Variants in GTF3C4 observed in about 807,000 individuals in gnomAD.
The protein encoded by GTF3C4 is general transcription factor IIIC subunit 4, also known as general transcription factor 3C polypeptide 4.
GTF3C4 carries 28 observed loss-of-function variants against 67.5 expected under a neutral mutation model. The observed-to-expected ratio is 0.41, with a 90% CI of 0.31 to 0.57. The LOEUF is 0.57. Ranked by LOEUF, GTF3C4 falls within the 20% of genes least tolerant of loss-of-function variation. GTF3C4 has a pLI of 0.21. For missense variants in GTF3C4, 831 were observed against 1,033.2 expected, an observed-to-expected ratio of 0.80 and a Z score of 2.68; for synonymous variants, 409 against 393.0, an observed-to-expected ratio of 1.04 and a Z score of -0.48.
intron 3 of GTF3C4, among the ~76,000 whole-genome samples, chr9:132,686,960 G>A (rs998273746): frequency 2.0e-4 from 30 of 152,260 alleles, no homozygotes; most frequent in African/African-American, 6.3e-4. Context: ...TTTAAAGTGC[G>A]GTCAGGTGTG....
In GTF3C4 at chr9:132,689,859, T is replaced by G. The variant is rs756047058; in HGVS notation, c.*914T>G. The G allele has an allele frequency of 6.6e-6, 1 of 152,214 alleles. No individual in the cohort carries two copies. Among genetic ancestry groups the G allele is most frequent in the Non-Finnish European group, 1.5e-5 (1 of 68,030 alleles). The allele number at this position is 152,214 out of a possible 1,614,324, so 9.4% of individuals were successfully genotyped here. A position where few individuals can be genotyped will look rare whatever the true frequency, so the allele number is the denominator to read the frequency against. On this transcript the variant is annotated 3_prime_UTR_variant, in exon 5 of 5. Transcript: ENST00000372146. ...GTATCCAGGGGTCTGTCTGGAGACT[T>G]CTAGAGAGGGACAGCTCAGAAGTGA...
chr9:132,671,998 C>T (rs917276728), intron 1 of GTF3C4, among the ~76,000 whole-genome samples: 1 of 152,164 alleles, frequency 6.6e-6, no homozygotes, highest in South Asian at 2.1e-4. Context: ...TGCAGATAAC[C>T]CTCATCACTT....
chr9:132,675,074 A>G (rs1301184577), intron 1 of GTF3C4, among the ~76,000 whole-genome samples: 2 of 152,162 alleles, frequency 1.3e-5, no homozygotes, highest in African/African-American at 2.4e-5. Flanking sequence ...AACAATTATC[A>G]TAGGTAACTT....
rs1304455556 is a variant in GTF3C4 at position 132,678,505 on chromosome 9, G to A, written c.886G>A (p.Gly296Arg). 1.2e-6 allele frequency: 2 copies of A among 1,614,146 alleles called. No individual in the cohort carries two copies. The highest frequency in any genetic ancestry group is 4.5e-5 in the East Asian group (2 of 44,888). The change falls in exon 2 of 5, where the codon GGA becomes AGA. Residue 296 changes from glycine (G) to arginine (R), a missense_variant. Gly to Arg is a moderately radical substitution (Grantham distance 125). Around this residue, in one of 4 missense-constraint regions of GTF3C4, gnomAD observed 390 missense variants for 540.3 expected, o/e 0.72. Coordinates refer to ENST00000372146, the MANE Select transcript of GTF3C4 (RefSeq NM_012204.4). This position sits in a 1 kb window ranked among gnomAD's most constrained non-coding sequence, Gnocchi z 6.5. Reference protein sequence around the residue: ...AVWQFQLPFVGKESISSCNTI... With the variant: ...AVWQFQLPFVRKESISSCNTI... ...GTGGCAGTTTCAGCTGCCGTTTGTA[G>A]GAAAAGAATCCATCTCTTCATGCAA...
rs150601105 is a variant in GTF3C4 at position 132,678,554 on chromosome 9, C to T, written c.935C>T (p.Ser312Phe). ...AACACAATTGAGTCAGGAATCACCT[C>T]TCCCAGTGTATTGTTTTGGTGGGAA... Reference protein sequence around the residue: ...SCNTIESGITSPSVLFWWEYE... With the variant: ...SCNTIESGITFPSVLFWWEYE... Residue 312 changes from serine (S) to phenylalanine (F), a missense_variant, in exon 2 of 5, where the codon TCT (serine) becomes TTT (phenylalanine). Around this residue, in one of 4 missense-constraint regions of GTF3C4, gnomAD observed 390 missense variants for 540.3 expected, o/e 0.72. Coordinates refer to ENST00000372146, the MANE Select transcript of GTF3C4 (RefSeq NM_012204.4). This position sits in a 1 kb window ranked among gnomAD's most constrained non-coding sequence, Gnocchi z 6.5. The T allele has an allele frequency of 8.0e-4, 1,299 of 1,614,046 alleles. 1 individual carries two copies. The highest frequency in any genetic ancestry group is 1.0e-3 in the Non-Finnish European group (1,183 of 1,180,002).
intron 2 of GTF3C4, among the ~76,000 whole-genome samples, chr9:132,682,382 T>C (rs1835958945): frequency 6.6e-6 from 1 of 152,134 alleles, no homozygotes. Flanking sequence ...GAACTAATTT[T>C]AGTGAATTAA....
intron 1 of GTF3C4, 60 bp downstream of exon 1, chr9:132,671,015 T>G: frequency 8.5e-7 from 1 of 1,174,370 alleles, no homozygotes; most frequent in Non-Finnish European, 1.3e-6. Flanking sequence ...GGCCGCATCA[T>G]CCGTCCCAGG....
chr9:132,687,155 ACT>A (rs1836042382), intron 3 of GTF3C4, 82 bp from the exon 4 acceptor site: 8 of 805,332 alleles, frequency 9.9e-6, no homozygotes, highest in Admixed American at 3.4e-5. Flanking sequence ...TTTTATGATA[ACT>A]CTCTGTGATG....
rs545464325 is a variant in GTF3C4, at chr9:132,670,820, G to A, written c.222G>A (p.Glu74=). 1.9e-6 allele frequency: 3 copies of A among 1,607,302 alleles called. No individual in the cohort carries two copies. The highest frequency in any genetic ancestry group is 2.7e-5 in the African/African-American group (2 of 74,988). Reference sequence around the variant, plus strand: ...GCCTGGAACCGCTGGCTTGGTCCGAGGACCACCGCGTGTCTGTGTCCACGG... The same window carrying A: ...GCCTGGAACCGCTGGCTTGGTCCGAAGACCACCGCGTGTCTGTGTCCACGG... ...VSGLEPLAWS[E]DHRVSVSTAR... The change falls in exon 1 of 5, where the codon GAG becomes GAA. Residue 74 remains glutamate (E), a synonymous_variant. Coordinates refer to ENST00000372146, the MANE Select transcript of GTF3C4 (RefSeq NM_012204.4).
At chr9:132,686,507 A>AT (rs1407449466) in intron 3 of GTF3C4, among the ~76,000 whole-genome samples, 1 of 151,992 alleles carries the variant, frequency 6.6e-6, no homozygotes, top group African/African-American at 2.4e-5. Flanking sequence ...GAAAACTGTT[A>AT]TTTTTTGGGA....
chr9:132,675,895 CTTTTTTTT>C (rs72145516), intron 1 of GTF3C4, among the ~76,000 whole-genome samples: 1 of 89,042 alleles, frequency 1.1e-5, no homozygotes, highest in African/African-American at 4.7e-5. Context: ...TCCAGTTACC[CTTTTTTTT>C]TTTTTTTTTT....
rs1835887569 is a variant in GTF3C4 at position 132,678,028 on chromosome 9, A to G, written c.409A>G (p.Lys137Glu). ...GTGCAAGGAGAAATTCGCCGCCTCC[A>G]AGGACCCCACGGTCAGTCAGACTTT... is the stretch of plus-strand genomic sequence containing the variant. Reference protein sequence around the residue: ...AECKEKFAASKDPTVSQTFML... With the variant: ...AECKEKFAASEDPTVSQTFML... Residue 137 changes from lysine to glutamate, a missense_variant, in exon 2 of 5, where the codon AAG (lysine) becomes GAG (glutamate). Physicochemically the swap from Lys to Glu is moderately conservative, Grantham distance 56. Transcript: ENST00000372146. The surrounding 1 kb of genome is among the most constrained non-coding windows in gnomAD (Gnocchi z 6.5). The G allele has an allele frequency of 1.9e-6, 3 of 1,613,800 alleles. No homozygotes were observed. Among genetic ancestry groups the G allele is most frequent in the Non-Finnish European group, 2.5e-6 (3 of 1,179,834 alleles).
Position 132,689,005 on chromosome 9 carries a change from AGCCTGAAGAGAAGGAT to A in GTF3C4, c.*63_*78del. The A allele has an allele frequency of 1.6e-6, 2 of 1,265,156 alleles. No homozygotes were observed. The highest frequency in any genetic ancestry group is 2.3e-6 in the Non-Finnish European group (2 of 867,412). 78.4% of individuals were successfully genotyped at this position (1,265,156 alleles called of 1,614,324 possible). ...AACTCTGCCATAGAAAACTTCCTCC[AGCCTGAAGAGAAGGAT>A]GCACTGGAGGAAGCCGGACCCTCAC... On this transcript the variant is annotated 3_prime_UTR_variant, in exon 5 of 5. Transcript: ENST00000372146.
chr9:132,670,977 C>T (rs762417327), intron 1 of GTF3C4, 22 bp downstream of exon 1: 46 of 1,518,358 alleles, frequency 3.0e-5, no homozygotes, highest in Non-Finnish European at 4.1e-5. Flanking sequence ...CCCGCCATCC[C>T]TGGGGTCTTC....
chr9:132,670,203 C>T, upstream of GTF3C4: 5 of 1,571,440 alleles, frequency 3.2e-6, no homozygotes, highest in Non-Finnish European at 4.3e-6. Context: ...AGAGTTCACG[C>T]TGGGGAAGCT....
intron 3 of GTF3C4, 88 bp downstream of exon 3, chr9:132,683,781 GC>G: frequency 7.9e-7 from 1 of 1,265,832 alleles, no homozygotes; most frequent in Non-Finnish European, 1.1e-6. Flanking sequence ...GCAACTTTAT[GC>G]CAGTTATCTG....
rs1193443493 is a variant in GTF3C4, at chr9:132,686,464, CCTT to C, written c.2316-774_2316-772del. Among the ~76,000 whole-genome samples the C allele has an allele frequency of 4.6e-5, 7 of 152,110 alleles. No homozygotes were observed. In the South Asian group the frequency reaches 6.3e-4, roughly 14 times the overall value. ...CTTGGAGTCCCTTCCCCAACCTCCT[CCTT>C]TGTGTTTTCTGCTCCTTAGTTGCTC... On this transcript the variant is annotated intron_variant, in intron 3 of 4. Coordinates refer to ENST00000372146, the MANE Select transcript of GTF3C4 (RefSeq NM_012204.4).
chr9:132,685,473 A>T (rs1475970085), intron 3 of GTF3C4, among the ~76,000 whole-genome samples: 1 of 150,594 alleles, frequency 6.6e-6, no homozygotes, highest in African/African-American at 2.4e-5. Flanking sequence ...TTACCCCCTT[A>T]TTATAATTTG....
In GTF3C4 at chr9:132,678,022, G is replaced by A. The variant is rs141734420; in HGVS notation, c.403G>A (p.Ala135Thr). 147 of 1,611,996 alleles carry A rather than the reference G, an allele frequency of 9.1e-5. 1 individual carries two copies. Among genetic ancestry groups the A allele is most frequent in the East Asian group, 3.6e-4 (16 of 44,872 alleles). ...TGCTGAGTGCAAGGAGAAATTCGCC[G>A]CCTCCAAGGACCCCACGGTCAGTCA... Reference protein sequence around the residue: ...EVAECKEKFAASKDPTVSQTF... With the variant: ...EVAECKEKFATSKDPTVSQTF... Residue 135 changes from alanine (A) to threonine (T), a missense_variant, in exon 2 of 5, where the codon GCC becomes ACC. Physicochemically the swap from Ala to Thr is moderately conservative, Grantham distance 58. Transcript: ENST00000372146. The surrounding 1 kb of genome is among the most constrained non-coding windows in gnomAD (Gnocchi z 6.5).
Sources: gnomAD v4.1 joint callset for allele counts (sites outside exome capture counted in the v4.1 genomes callset) on GRCh38, gnomAD v4.1.1 for gene constraint, gnomAD v4.1.1 regional missense constraint, Gnocchi (gnomAD v3.1) non-coding constraint, MANE v1.5 for transcripts, NCBI Gene and HGNC (gene_info 2026-07-23, HGNC 2026-07-21) for gene names.